ANKIB1: variants seen among roughly 807,000 people sequenced by gnomAD.
The protein encoded by ANKIB1 is ankyrin repeat and IBR domain-containing protein 1.
A neutral mutation model predicts 122.1 loss-of-function variants in ANKIB1; 43 were observed. That is an observed-to-expected ratio of 0.35 (90% CI 0.28 to 0.45). The LOEUF (loss-of-function observed/expected upper bound fraction) is 0.45. Ranked by LOEUF, ANKIB1 falls within the 20% of genes least tolerant of loss-of-function variation. The pLI, the probability that ANKIB1 is intolerant of heterozygous loss-of-function variation, is 1.00. For missense variants in ANKIB1, 992 were observed against 1,329.5 expected (o/e 0.75, Z 3.95); for synonymous variants, 390 against 442.0 (o/e 0.88, Z 1.48).
intron 1 of ANKIB1, among the ~76,000 whole-genome samples, chr7:92,267,136 A>C (rs1347492956): frequency 1.3e-5 from 2 of 152,192 alleles, no homozygotes; most frequent in African/African-American, 4.8e-5. Flanking sequence ...CGAGAAGAAG[A>C]TTTACTGTTA....
At chr7:92,348,159 G>T in intron 7 of ANKIB1, 1 of 262,812 alleles carries the variant, frequency 3.8e-6, no homozygotes, top group South Asian at 3.8e-5. Flanking sequence ...GGTCTTCTCA[G>T]TTCTGTAATT....
At chr7:92,282,003 A>C (rs949528329) in intron 1 of ANKIB1, among the ~76,000 whole-genome samples, 1 of 152,212 alleles carries the variant, frequency 6.6e-6, no homozygotes, top group African/African-American at 2.4e-5. Flanking sequence ...AAAGCAGTAA[A>C]AATTATTTCA....
chr7:92,282,585 G>A (rs1162821775), intron 1 of ANKIB1, among the ~76,000 whole-genome samples: 1 of 152,156 alleles, frequency 6.6e-6, no homozygotes, highest in Non-Finnish European at 1.5e-5. Context: ...AATTATGAAA[G>A]CCAACACTGA....
At chr7:92,285,880 T>C (rs1381116123) in intron 1 of ANKIB1, among the ~76,000 whole-genome samples, 2 of 152,242 alleles carry the variant, frequency 1.3e-5, no homozygotes, top group Admixed American at 6.5e-5. Context: ...GCTTATTCCC[T>C]GTGCAGATCC....
chr7:92,294,889 A>T lies in ANKIB1; in HGVS notation c.-90A>T. The T allele has an allele frequency of 1.2e-6, 1 of 863,900 alleles. No homozygotes were observed. Among genetic ancestry groups the T allele is most frequent in the Non-Finnish European group, 1.7e-6 (1 of 593,192 alleles). 53.5% of individuals were successfully genotyped at this position (863,900 alleles called of 1,614,324 possible). A position where few individuals can be genotyped will look rare whatever the true frequency, so the allele number is the denominator to read the frequency against. ...ATTTGAATAACTTTTCCTTCATTAG[A>T]ATGTGAAAGATGTTGCAGAAGTGTT... On this transcript the variant is annotated splice_region_variant and 5_prime_UTR_variant, in exon 2 of 20. Transcript: ENST00000265742.
At chr7:92,383,374 C>A (rs1048291042) in intron 11 of ANKIB1, among the ~76,000 whole-genome samples, 1 of 152,106 alleles carries the variant, frequency 6.6e-6, no homozygotes, top group Non-Finnish European at 1.5e-5. Context: ...AGAGGGAATC[C>A]TCCCTAACTC....
intron 7 of ANKIB1, 56 bp downstream of exon 7, chr7:92,345,122 A>C: frequency 3.9e-6 from 5 of 1,280,098 alleles, no homozygotes; most frequent in Non-Finnish European, 5.6e-6. Context: ...CTGATTTGTT[A>C]ATAAAATTGT....
rs1223549557 is a variant in ANKIB1 at position 92,371,565 on chromosome 7, A to G, written c.1575A>G (p.Pro525=). The G allele has an allele frequency of 6.2e-7, 1 of 1,605,354 alleles. No individual in the cohort carries two copies. The highest frequency in any genetic ancestry group is 8.5e-7 in the Non-Finnish European group (1 of 1,175,536). ...AGCCTTGTGCCAACTGTAAGTCTCC[A>G]ATACAGAAGAATGAAGGCTGCAATC... ...NSKPCANCKS[P]IQKNEGCNHM... Residue 525 remains proline, a synonymous_variant, in exon 11 of 20, where the codon CCA becomes CCG. Coordinates refer to ENST00000265742, the MANE Select transcript of ANKIB1 (RefSeq NM_019004.2).
chr7:92,348,021 G>C (rs1459479584), intron 7 of ANKIB1: 1 of 442,400 alleles, frequency 2.3e-6, no homozygotes, highest in East Asian at 7.1e-5. Context: ...ATATAGGTAA[G>C]GTTTGCCCCA....
chr7:92,303,694 C>T (rs1036408103), intron 2 of ANKIB1, among the ~76,000 whole-genome samples: 7 of 151,826 alleles, frequency 4.6e-5, no homozygotes, highest in Non-Finnish European at 1.0e-4. Flanking sequence ...TTACAGAAGC[C>T]AAGGTAATAG....
chr7:92,292,273 CAG>C (rs374808564), intron 1 of ANKIB1, among the ~76,000 whole-genome samples: 35 of 152,208 alleles, frequency 2.3e-4, no homozygotes, highest in African/African-American at 8.4e-4. Context: ...TAAAATGAAA[CAG>C]ATATGAAAAT....
chr7:92,398,913 C>T lies in ANKIB1; in HGVS notation c.3234C>T (p.Thr1078=). ...ATGTTTCAAGTCAAACACCTCAAAC[C>T]TCAAGTGACTGGCTTGAACAAGTAC... ...GSDVSSQTPQ[T]SSDWLEQVHL... The change falls in exon 20 of 20, where the codon ACC becomes ACT. Residue 1078 remains threonine, a synonymous_variant. Transcript: ENST00000265742. The T allele has an allele frequency of 6.3e-7, 1 of 1,596,130 alleles. No individual in the cohort carries two copies. Among genetic ancestry groups the T allele is most frequent in the Non-Finnish European group, 8.5e-7 (1 of 1,171,140 alleles).
intron 16 of ANKIB1, 98 bp from the exon 17 acceptor site, chr7:92,392,143 C>A: frequency 1.1e-6 from 1 of 921,826 alleles, no homozygotes; most frequent in Non-Finnish European, 1.6e-6. Context: ...CAAGTTCCAA[C>A]AGAGGAATTC....
At chr7:92,278,293 A>G (rs1222001676) in intron 1 of ANKIB1, among the ~76,000 whole-genome samples, 1 of 152,096 alleles carries the variant, frequency 6.6e-6, no homozygotes, top group African/African-American at 2.4e-5. Context: ...TAAAAAAGGA[A>G]AAAGAAAATG....
intron 2 of ANKIB1, 107 bp downstream of exon 2, chr7:92,295,273 C>A: frequency 2.6e-6 from 2 of 766,618 alleles, no homozygotes; most frequent in Non-Finnish European, 3.8e-6. Flanking sequence ...CGGACATATA[C>A]AGACATGATA....
intron 10 of ANKIB1, among the ~76,000 whole-genome samples, chr7:92,368,561 AC>A (rs1348132497): frequency 6.6e-6 from 1 of 152,074 alleles, no homozygotes; most frequent in Non-Finnish European, 1.5e-5. Flanking sequence ...TACTAAAAAT[AC>A]AAAAAAAAAT....
At chr7:92,282,926 T>C (rs1802039019) in intron 1 of ANKIB1, among the ~76,000 whole-genome samples, 1 of 152,198 alleles carries the variant, frequency 6.6e-6, no homozygotes, top group African/African-American at 2.4e-5. Flanking sequence ...TTTCGACAGT[T>C]TTCTGCTTGT....
At chr7:92,362,779 C>T (rs1292366414) in intron 10 of ANKIB1, among the ~76,000 whole-genome samples, 3 of 152,162 alleles carry the variant, frequency 2.0e-5, no homozygotes, top group Admixed American at 6.5e-5. Context: ...CTCTGTTAAT[C>T]ATCACAGAAA....
At chr7:92,292,382 T>A (rs549944372) in intron 1 of ANKIB1, among the ~76,000 whole-genome samples, 198 of 152,354 alleles carry the variant, frequency 1.3e-3, no homozygotes, top group East Asian at 1.5e-3. Context: ...AGATTTTTTT[T>A]AAAAACTTGT....
Sources: allele counts gnomAD v4.1 joint callset (sites outside exome capture counted in the v4.1 genomes callset), GRCh38; gene constraint gnomAD v4.1.1; transcripts MANE v1.5; gene names NCBI Gene and HGNC (gene_info 2026-07-23, HGNC 2026-07-21).